Variants in DGKB observed in about 807,000 individuals in gnomAD.
The protein encoded by DGKB is 90 kDa diacylglycerol kinase.
Under a neutral mutation model 114.3 loss-of-function variants are expected in DGKB, and 67 were observed. That is an observed-to-expected ratio of 0.59 (90% CI 0.48 to 0.72). DGKB has a LOEUF of 0.72. DGKB is among the 30% of genes least tolerant of loss of function. DGKB has a pLI of 0.00. For synonymous variants in DGKB, 398 were observed against 323.1 expected, an observed-to-expected ratio of 1.23 and a Z score of -2.49; for missense variants, 907 against 975.2, an observed-to-expected ratio of 0.93 and a Z score of 0.93.
chr7:14,536,426 A>G (rs944872560), intron 20 of DGKB, among the ~76,000 whole-genome samples: 9 of 152,196 alleles, frequency 5.9e-5, no homozygotes, highest in African/African-American at 2.2e-4. Flanking sequence ...AATATTTAGC[A>G]AATCAAGTTC....
chr7:14,716,032 C>T (rs1828124988), intron 6 of DGKB, among the ~76,000 whole-genome samples: 2 of 152,214 alleles, frequency 1.3e-5, no homozygotes, highest in Non-Finnish European at 2.9e-5. Flanking sequence ...TTTGGGGAAA[C>T]AAAGTATTAC....
chr7:14,157,861 A>G (rs1307303841), intron 25 of DGKB, among the ~76,000 whole-genome samples: 1 of 152,214 alleles, frequency 6.6e-6, no homozygotes, highest in East Asian at 1.9e-4. Flanking sequence ...AAACATAACA[A>G]AACAATACAA....
At chr7:14,469,626 T>C (rs968768095) in intron 21 of DGKB, among the ~76,000 whole-genome samples, 1 of 152,004 alleles carries the variant, frequency 6.6e-6, no homozygotes, top group Non-Finnish European at 1.5e-5. Context: ...TGCAGGAAGC[T>C]TCAGGTGAAT....
At chr7:14,857,090 C>T (rs996192060) in intron 1 of DGKB, among the ~76,000 whole-genome samples, 3 of 152,070 alleles carry the variant, frequency 2.0e-5, no homozygotes, top group African/African-American at 7.2e-5. Context: ...AGTCAGTTGA[C>T]TTTAAGTTCA....
intron 19 of DGKB, among the ~76,000 whole-genome samples, chr7:14,579,511 T>C (rs1163210048): frequency 6.6e-6 from 1 of 152,198 alleles, no homozygotes; most frequent in Non-Finnish European, 1.5e-5. Context: ...CTCACATATT[T>C]TCCTTCTTTT....
chr7:14,629,805 A>C (rs908330574), intron 14 of DGKB, among the ~76,000 whole-genome samples: 2 of 152,096 alleles, frequency 1.3e-5, no homozygotes, highest in African/African-American at 4.8e-5. Flanking sequence ...AGTGATGGGC[A>C]CTTCAAAGTA....
intron 2 of DGKB, among the ~76,000 whole-genome samples, chr7:14,829,996 C>T (rs990187537): frequency 7.2e-5 from 11 of 152,006 alleles, no homozygotes; most frequent in African/African-American, 2.7e-4. Flanking sequence ...CTCTAGAGAT[C>T]ACTGGGCAGT....
At chr7:14,807,942 G>C (rs1029311909) in intron 2 of DGKB, among the ~76,000 whole-genome samples, 2 of 151,936 alleles carry the variant, frequency 1.3e-5, no homozygotes, top group South Asian at 4.2e-4. Flanking sequence ...TAGATATCAT[G>C]ATGTCTCATC....
At chr7:14,178,335 GT>G (rs1782092912) in intron 23 of DGKB, among the ~76,000 whole-genome samples, 184 bp from the exon 24 acceptor site, 1 of 150,620 alleles carries the variant, frequency 6.6e-6, no homozygotes, top group African/African-American at 2.4e-5. Flanking sequence ...AAACCTTGAG[GT>G]TCTGTGGAAA....
intron 17 of DGKB, among the ~76,000 whole-genome samples, chr7:14,586,885 T>C (rs1800862579): frequency 6.6e-6 from 1 of 151,980 alleles, no homozygotes; most frequent in African/African-American, 2.4e-5. Flanking sequence ...TTTCAAAATA[T>C]TATTTTCATT....
At chr7:14,742,306 T>C (rs1379873319) in intron 4 of DGKB, among the ~76,000 whole-genome samples, 1 of 152,220 alleles carries the variant, frequency 6.6e-6, no homozygotes, top group Non-Finnish European at 1.5e-5. Flanking sequence ...GATCTTCTTC[T>C]GTCTGTCTAT....
At chr7:14,472,766 C>G (rs1188180646) in intron 21 of DGKB, among the ~76,000 whole-genome samples, 1 of 152,062 alleles carries the variant, frequency 6.6e-6, no homozygotes, top group Non-Finnish European at 1.5e-5. Flanking sequence ...AGATGAGGAA[C>G]TGGTTGGGAA....
intron 7 of DGKB, among the ~76,000 whole-genome samples, chr7:14,700,107 C>T (rs1049790603): frequency 6.6e-6 from 1 of 151,646 alleles, no homozygotes; most frequent in African/African-American, 2.4e-5. Context: ...AATTTCTAGT[C>T]GTGAAATGGC....
chr7:14,169,784 T>C (rs1292226510), intron 25 of DGKB, among the ~76,000 whole-genome samples: 1 of 152,040 alleles, frequency 6.6e-6, no homozygotes, highest in East Asian at 1.9e-4. Flanking sequence ...ATAAATAAGA[T>C]GAAAAGGGAT....
At chr7:14,770,001 C>A (rs1281954994) in intron 2 of DGKB, among the ~76,000 whole-genome samples, 1 of 152,008 alleles carries the variant, frequency 6.6e-6, no homozygotes, top group East Asian at 1.9e-4. Context: ...TTAACAGTAT[C>A]CAGGGCTTAG....
chr7:14,827,917 A>G (rs919436601), intron 2 of DGKB, among the ~76,000 whole-genome samples: 1 of 118,764 alleles, frequency 8.4e-6, no homozygotes, highest in African/African-American at 3.6e-5. Flanking sequence ...AGAAATATGA[A>G]CTCCGAAATG....
chr7:14,222,864 T>A (rs912590043), intron 23 of DGKB, among the ~76,000 whole-genome samples: 1 of 151,646 alleles, frequency 6.6e-6, no homozygotes, highest in Middle Eastern at 3.2e-3. Context: ...AATTCTTATA[T>A]CCTACTGAAG....
intron 25 of DGKB, among the ~76,000 whole-genome samples, chr7:14,164,348 T>A (rs2128227968): frequency 6.6e-6 from 1 of 152,316 alleles, no homozygotes; most frequent in Non-Finnish European, 1.5e-5. Flanking sequence ...GCTGTGCAAC[T>A]TTTAACTAGA....
intron 5 of DGKB, among the ~76,000 whole-genome samples, chr7:14,734,253 C>G (rs979740659): frequency 2.0e-5 from 3 of 151,652 alleles, no homozygotes; most frequent in African/African-American, 7.3e-5. Flanking sequence ...GTTGGCCAGG[C>G]TGGTCTCAAA....
Sources: gnomAD v4.1 joint callset for allele counts (sites outside exome capture counted in the v4.1 genomes callset) on GRCh38, gnomAD v4.1.1 for gene constraint, MANE v1.5 for transcripts, NCBI Gene and HGNC (gene_info 2026-07-23, HGNC 2026-07-21) for gene names.